Variants in BMP8B observed in about 807,000 individuals in gnomAD.
BMP8B encodes the protein bone morphogenetic protein 8b.
Under a neutral mutation model 30.3 loss-of-function variants are expected in BMP8B, and 17 were observed. The ratio of observed to expected loss-of-function variants is 0.56; its 90% CI spans 0.38 to 0.84. The LOEUF is 0.84. Ranked by LOEUF, BMP8B falls within the 40% of genes least tolerant of loss-of-function variation. The pLI, the probability that BMP8B is intolerant of heterozygous loss-of-function variation, is 0.00. For synonymous variants in BMP8B, 131 were observed against 214.7 expected, an observed-to-expected ratio of 0.61 and a Z score of 3.41; for missense variants, 253 against 494.6, an observed-to-expected ratio of 0.51 and a Z score of 4.63.
At chr1:39,760,928 G>A (rs555564252) in intron 6 of BMP8B, among the ~76,000 whole-genome samples, 6 of 152,184 alleles carry the variant, frequency 3.9e-5, no homozygotes, top group South Asian at 2.1e-4. Flanking sequence ...CCAAGGGGGA[G>A]CCTGGAAGGA....
At chr1:39,778,999 G>T (rs567991124) in intron 1 of BMP8B, among the ~76,000 whole-genome samples, 17 of 152,218 alleles carry the variant, frequency 1.1e-4, no homozygotes, top group Non-Finnish European at 1.9e-4. Context: ...GCCAAGGAGG[G>T]ACAGAGGGTT....
chr1:39,787,851 C>CG (rs1208797793), intron 1 of BMP8B, among the ~76,000 whole-genome samples: 2 of 152,234 alleles, frequency 1.3e-5, no homozygotes, highest in Admixed American at 6.5e-5. Context: ...GCTGTCTTCC[C>CG]GGGGCAGCCC....
intron 3 of BMP8B, chr1:39,770,946 C>A (rs1649929569): frequency 1.7e-6 from 2 of 1,178,118 alleles, no homozygotes; most frequent in Admixed American, 2.2e-5. Flanking sequence ...TGCCTGGCGG[C>A]CAGCAGGAGG....
At chr1:39,761,670 A>G (rs1024326412) in intron 6 of BMP8B, among the ~76,000 whole-genome samples, 2 of 152,028 alleles carry the variant, frequency 1.3e-5, no homozygotes, top group African/African-American at 4.8e-5. Flanking sequence ...GAACCTGCCA[A>G]GCTCACTGCT....
At chr1:39,785,793 T>C (rs1650939562) in intron 1 of BMP8B, among the ~76,000 whole-genome samples, 1 of 152,184 alleles carries the variant, frequency 6.6e-6, no homozygotes, top group South Asian at 2.1e-4. Context: ...CATCCTGGTA[T>C]GTGTCTAATC....
chr1:39,767,448 T>A (rs1198714548), intron 3 of BMP8B, among the ~76,000 whole-genome samples: 1 of 142,364 alleles, frequency 7.0e-6, no homozygotes, highest in Non-Finnish European at 1.6e-5. Flanking sequence ...GAGCCCTGCA[T>A]CTGGCAGGCC....
rs539008081 is a variant in BMP8B, at chr1:39,758,311, A to G, written c.*2108T>C. The G allele has an allele frequency of 6.6e-6, 1 of 152,266 alleles. No individual in the cohort carries two copies. The highest frequency in any genetic ancestry group is 2.1e-4 in the South Asian group (1 of 4,822). 9.4% of individuals were successfully genotyped at this position (152,266 alleles called of 1,614,324 possible). A position where few individuals can be genotyped will look rare whatever the true frequency, so the allele number is the denominator to read the frequency against. On this transcript the variant is annotated 3_prime_UTR_variant, in exon 7 of 7. Transcript: ENST00000372827. ...AATGTTGTGATCTCTGCTCACTGCA[A>G]CCTCCACCTCCCAGGTTCAAGCAAT... is the stretch of plus-strand genomic sequence containing the variant.
At position 39,757,242 on chromosome 1, in the gene BMP8B, A is replaced by G. The variant is rs1330248691; in HGVS notation, c.*3177T>C. ...AAGTGGCTCAAAAATAAGCAAATTC[A>G]TTTGTAATAATACCAGCAAATACCT... On this transcript the variant is annotated 3_prime_UTR_variant, in exon 7 of 7. Transcript: ENST00000372827. The G allele has an allele frequency of 1.3e-5, 2 of 152,280 alleles. No individual in the cohort carries two copies. The highest frequency in any genetic ancestry group is 2.9e-5 in the Non-Finnish European group (2 of 68,050). The allele number at this position is 152,280 out of a possible 1,614,324, so 9.4% of individuals were successfully genotyped here.
chr1:39,776,644 G>A (rs1156794571), intron 1 of BMP8B, among the ~76,000 whole-genome samples: 2 of 152,214 alleles, frequency 1.3e-5, no homozygotes, highest in East Asian at 3.8e-4. Context: ...AGCCCAGGGC[G>A]GAGAAGGAAA....
chr1:39,762,991 C>T (rs187722584), intron 6 of BMP8B, 101 bp downstream of exon 6: 88,532 of 1,408,454 alleles, frequency 0.063, 3,307 homozygotes, highest in Non-Finnish European at 0.07. Context: ...CCCTGAGACG[C>T]GGAGCAGGTG....
chr1:39,775,212 C>T (rs759958753), intron 1 of BMP8B, among the ~76,000 whole-genome samples, 174 bp from the exon 2 acceptor site: 21 of 152,174 alleles, frequency 1.4e-4, no homozygotes, highest in Non-Finnish European at 2.8e-4. Flanking sequence ...GGCTTGGTCC[C>T]GGGGTGTAGA....
In BMP8B at chr1:39,786,262, A is replaced by T. The variant is rs1268514999; in HGVS notation, c.334+1890T>A. Among the ~76,000 whole-genome samples, 3 of 152,240 alleles carry T rather than the reference A, an allele frequency of 2.0e-5. No individual in the cohort carries two copies. In the East Asian group the frequency reaches 5.8e-4, roughly 29 times the overall value. On this transcript the variant is annotated intron_variant, in intron 1 of 6. Coordinates refer to ENST00000372827, the MANE Select transcript of BMP8B (RefSeq NM_001720.5). ...ATCCATTTCTAGGTTTTACATGTGT[A>T]TAAGACATGTGGAGATGTTCCTGTC...
chr1:39,787,008 AC>A (rs1268730276), intron 1 of BMP8B, among the ~76,000 whole-genome samples: 1 of 152,194 alleles, frequency 6.6e-6, no homozygotes, highest in Non-Finnish European at 1.5e-5. Flanking sequence ...TGAAAGCCTG[AC>A]CTGACAACAG....
chr1:39,787,784 C>G (rs1352045001), intron 1 of BMP8B, among the ~76,000 whole-genome samples: 2 of 152,210 alleles, frequency 1.3e-5, no homozygotes, highest in African/African-American at 4.8e-5. Flanking sequence ...CAGTACTGCC[C>G]TTATCACAGT....
In BMP8B at chr1:39,788,631, C is replaced by T; in HGVS notation, c.-146G>A. On this transcript the variant is annotated 5_prime_UTR_variant, in exon 1 of 7. Transcript: ENST00000372827. The surrounding 1 kb of genome is among the most constrained non-coding windows in gnomAD (Gnocchi z 5.8). ...GGCGGGGCGGGACGGGCGGCGACCG[C>T]GGCCTCAGCGCGGTCCCTGGAGCGC... The T allele has an allele frequency of 1.3e-6, 1 of 761,956 alleles. No homozygotes were observed. Among genetic ancestry groups the T allele is most frequent in the Non-Finnish European group, 1.6e-6 (1 of 626,802 alleles). 47.2% of individuals were successfully genotyped at this position (761,956 alleles called of 1,614,324 possible).
In BMP8B at chr1:39,763,683, T is replaced by G. The variant is rs1649355956; in HGVS notation, c.948+29A>C. The G allele has an allele frequency of 3.8e-6, 6 of 1,581,038 alleles. 2 individuals carry two copies. Among genetic ancestry groups the G allele is most frequent in the Non-Finnish European group, 5.2e-6 (6 of 1,157,484 alleles). On this transcript the variant is annotated intron_variant, in intron 5 of 6. Transcript: ENST00000372827. ...TCTGATCTACAGGTGGTGATTGTCA[T>G]TTCAGAAACAAGAAGAGTCAGCAAT...
In BMP8B at chr1:39,788,588, G is replaced by A. The variant is rs1350615166; in HGVS notation, c.-103C>T. 4 of 946,434 alleles carry A rather than the reference G, an allele frequency of 4.2e-6. No individual in the cohort carries two copies. In the East Asian group the frequency reaches 4.6e-4, roughly 109 times the overall value. The allele number at this position is 946,434 out of a possible 1,614,324, so 58.6% of individuals were successfully genotyped here. On this transcript the variant is annotated 5_prime_UTR_variant, in exon 1 of 7. Transcript: ENST00000372827. This position sits in a 1 kb window ranked among gnomAD's most constrained non-coding sequence, Gnocchi z 5.8. Reference sequence around the variant, plus strand: ...CCCGACGGCAAGGAGGCTGGGCTCGGCGGGCGGCGGGCGGCGGGGCGGGGC... The same window carrying A: ...CCCGACGGCAAGGAGGCTGGGCTCGACGGGCGGCGGGCGGCGGGGCGGGGC...
Position 39,760,153 on chromosome 1 carries a change from C to G in BMP8B, c.*266G>C, listed in dbSNP as rs1648737215. 1.1e-5 allele frequency: 6 copies of G among 557,992 alleles called. No homozygotes were observed. In the South Asian group the frequency reaches 1.3e-4, roughly 12 times the overall value. The allele number at this position is 557,992 out of a possible 1,614,324, so 34.6% of individuals were successfully genotyped here. A position where few individuals can be genotyped will look rare whatever the true frequency, so the allele number is the denominator to read the frequency against. ...CCCCAAAGAACCAGCCAGGACATGC[C>G]TCCGGGAGAGGCGTTTGCATTTGGG... On this transcript the variant is annotated 3_prime_UTR_variant, in exon 7 of 7. Coordinates refer to ENST00000372827, the MANE Select transcript of BMP8B (RefSeq NM_001720.5).
intron 1 of BMP8B, among the ~76,000 whole-genome samples, chr1:39,775,273 T>C (rs1474180776): frequency 6.6e-6 from 1 of 152,192 alleles, no homozygotes; most frequent in African/African-American, 2.4e-5. Flanking sequence ...CGCAGCTGGC[T>C]GGTGCTCAGC....
Sources: gnomAD v4.1 joint callset for allele counts (sites outside exome capture counted in the v4.1 genomes callset) on GRCh38, gnomAD v4.1.1 for gene constraint, Gnocchi (gnomAD v3.1) non-coding constraint, MANE v1.5 for transcripts, NCBI Gene and HGNC (gene_info 2026-07-23, HGNC 2026-07-21) for gene names.